The following KRT78 variants were observed in gnomAD, a reference collection of about 807,000 sequenced individuals.
KRT78 encodes keratin 78.
A neutral mutation model predicts 51.4 loss-of-function variants in KRT78; 55 were observed. That is an observed-to-expected ratio of 1.07 (90% confidence interval 0.86 to 1.34). KRT78 has a LOEUF of 1.34. Among genes scored for constraint, KRT78 ranks in the 40% most tolerant of loss-of-function variants. The pLI, the probability that KRT78 is intolerant of heterozygous loss-of-function variation, is 0.00. For synonymous variants in KRT78, 291 were observed against 264.3 expected (o/e 1.10, Z -0.98); for missense variants, 652 against 649.4 (o/e 1.00, Z -0.04).
In KRT78 at chr12:52,838,398, AGGG is replaced by A. The variant is rs1261760366; in HGVS notation, c.*712_*714del. 6.6e-6 allele frequency: 1 copy of A among 152,452 alleles called. No homozygotes were observed. The highest frequency in any genetic ancestry group is 1.5e-5 in the Non-Finnish European group (1 of 68,282). 9.4% of individuals were successfully genotyped at this position (152,452 alleles called of 1,614,324 possible). A position where few individuals can be genotyped will look rare whatever the true frequency, so the allele number is the denominator to read the frequency against. ...AGGATAAGATGAGAGCCAACAGATAAGGGGGTAGGGGCAGAGTTTGAACCCCAA... is the reference window on the plus strand; with the variant it reads ...AGGATAAGATGAGAGCCAACAGATAAGGTAGGGGCAGAGTTTGAACCCCAA... On this transcript the variant is annotated 3_prime_UTR_variant, in exon 9 of 9. Transcript: ENST00000304620.
chr12:52,840,565 A>G lies in KRT78; in HGVS notation c.1048-581T>C, dbSNP rs543972671. Reference sequence around the variant, plus strand: ...AAAATAAAAATAAAAAAATTAGCTGACCATAGTGGCACGCACCTGTAGTCC... The same window carrying G: ...AAAATAAAAATAAAAAAATTAGCTGGCCATAGTGGCACGCACCTGTAGTCC... On this transcript the variant is annotated intron_variant, in intron 6 of 8. Coordinates refer to ENST00000304620, the MANE Select transcript of KRT78 (RefSeq NM_173352.4). Among the ~76,000 whole-genome samples the G allele has an allele frequency of 1.6e-4, 24 of 152,078 alleles. No homozygotes were observed. In the South Asian group the frequency reaches 4.8e-3, roughly 30 times the overall value.
chr12:52,838,056 A>T lies in KRT78; in HGVS notation c.*1057T>A, dbSNP rs899194599. 6.6e-6 allele frequency: 1 copy of T among 152,180 alleles called. No homozygotes were observed. The highest frequency in any genetic ancestry group is 2.4e-5 in the African/African-American group (1 of 41,444). The allele number at this position is 152,180 out of a possible 1,614,324, so 9.4% of individuals were successfully genotyped here. ...ACACAAAGCTGAAAAGCCTTCTTGC[A>T]TAATTTGGATGGAGCGATTCATGAA... is the stretch of plus-strand genomic sequence containing the variant. On this transcript the variant is annotated 3_prime_UTR_variant, in exon 9 of 9. Coordinates refer to ENST00000304620, the MANE Select transcript of KRT78 (RefSeq NM_173352.4).
chr12:52,839,029 G>T lies in KRT78; in HGVS notation c.*84C>A. On this transcript the variant is annotated 3_prime_UTR_variant, in exon 9 of 9. Coordinates refer to ENST00000304620, the MANE Select transcript of KRT78 (RefSeq NM_173352.4). ...TGTGGGCTGGCTTGGGCTGTGGGCA[G>T]CGGACACGGAGTTGGCCTTGCAGAG... is the stretch of plus-strand genomic sequence containing the variant. The T allele has an allele frequency of 6.7e-7, 1 of 1,499,898 alleles. No individual in the cohort carries two copies. Among genetic ancestry groups the T allele is most frequent in the East Asian group, 2.3e-5 (1 of 44,090 alleles). 92.9% of individuals were successfully genotyped at this position (1,499,898 alleles called of 1,614,324 possible).
rs1940383826 is a variant in KRT78, at chr12:52,837,964, G to C, written c.*1149C>G. 6.6e-6 allele frequency: 1 copy of C among 152,132 alleles called. No homozygotes were observed. The highest frequency in any genetic ancestry group is 2.4e-5 in the African/African-American group (1 of 41,424). 9.4% of individuals were successfully genotyped at this position (152,132 alleles called of 1,614,324 possible). A position where few individuals can be genotyped will look rare whatever the true frequency, so the allele number is the denominator to read the frequency against. ...TGAAGAGGTCAAGCTGCTTGATCAA[G>C]GTCACACCACTAGGAAACAGCAGAG... On this transcript the variant is annotated 3_prime_UTR_variant, in exon 9 of 9. Transcript: ENST00000304620.
rs776041337 is a variant in KRT78 at position 52,839,190 on chromosome 12, A to G, written c.1486T>C (p.Ser496Pro). 6.2e-7 allele frequency: 1 copy of G among 1,613,106 alleles called. No individual in the cohort carries two copies. The highest frequency in any genetic ancestry group is 1.7e-5 in the Admixed American group (1 of 59,970). Residue 496 changes from serine (S) to proline (P), a missense_variant, in exon 9 of 9, where the codon TCC (serine) becomes CCC (proline). By Grantham distance (74) the Ser-to-Pro change is moderately conservative (BLOSUM62 -1). Transcript: ENST00000304620. ...GTGTGGCAGCTGGAGCCAGCGCTGG[A>G]GCCAGACACAGAGCAGGAATCCAAA... ...PVLDSCSVSG[S>P]SAGSSCHTIL...
Position 52,839,844 on chromosome 12 carries a change from G to T in KRT78, c.1188C>A (p.Tyr396Ter). Reference sequence around the variant, plus strand: ...AAAGCTTCGTGCTCGTCAGCTCCTGGTACTCGCACAGCAGCCGGGCCAGGT... The same window carrying T: ...AAAGCTTCGTGCTCGTCAGCTCCTGTTACTCGCACAGCAGCCGGGCCAGGT... ...KQNLARLLCE[Y>*]QELTSTKLSL... Residue 396 changes from tyrosine (Y) to a stop codon, truncating the protein, a stop_gained, in exon 7 of 9, where the codon TAC becomes TAA. Transcript: ENST00000304620. LOFTEE classifies it high-confidence loss of function. 3 of 1,613,980 alleles carry T rather than the reference G, an allele frequency of 1.9e-6. No homozygotes were observed. Among genetic ancestry groups the T allele is most frequent in the Non-Finnish European group, 2.5e-6 (3 of 1,180,018 alleles).
chr12:52,844,754 A>C, intron 4 of KRT78, 31 bp from the exon 5 acceptor site: 1 of 1,578,628 alleles, frequency 6.3e-7, no homozygotes, highest in East Asian at 2.3e-5. Flanking sequence ...GTGTCCACTC[A>C]CCCCCAGCTC....
rs145379798 is a variant in KRT78 at position 52,847,924 on chromosome 12, C to G, written c.582G>C (p.Glu194Asp). 123 of 1,614,190 alleles carry G rather than the reference C, an allele frequency of 7.6e-5. No individual in the cohort carries two copies. In the Middle Eastern group the frequency reaches 1.6e-3, roughly 22 times the overall value. The change falls in exon 2 of 9, where the codon GAG (glutamate) becomes GAC (aspartate). Residue 194 changes from glutamate (E) to aspartate (D), a missense_variant. By Grantham distance (45) the Glu-to-Asp change is conservative (BLOSUM62 2). Transcript: ENST00000304620. ...GTGCCTACTTGGACTTATACTCCTC[C>G]TCCTGGTCCCGGCAGGCCTTCAACT... is the stretch of plus-strand genomic sequence containing the variant. ...DAELKACRDQ[E>D]EEYKSKYEEE...
intron 1 of KRT78, chr12:52,848,324 C>T: frequency 2.0e-6 from 3 of 1,501,830 alleles, no homozygotes; most frequent in Non-Finnish European, 2.7e-6. Flanking sequence ...CAGGGCCTTC[C>T]CCCCGCTGGC....
intron 7 of KRT78, 105 bp from the exon 8 acceptor site, chr12:52,839,592 G>C: frequency 7.4e-7 from 1 of 1,349,818 alleles, no homozygotes; most frequent in Non-Finnish European, 1.0e-6. Context: ...CCTCTCAGCA[G>C]ATAAAATCCA....
At chr12:52,841,829 A>T (rs1216117176) in intron 6 of KRT78, among the ~76,000 whole-genome samples, 1 of 152,224 alleles carries the variant, frequency 6.6e-6, no homozygotes, top group Non-Finnish European at 1.5e-5. Flanking sequence ...GGAAAGGCAC[A>T]TTGCTGTGTG....
Position 52,844,823 on chromosome 12 carries a change from A to G in KRT78, c.757-100T>C, listed in dbSNP as rs375483985. Reference sequence around the variant, plus strand: ...GATGATGAATTTCTGCTTACATGCCATGACCCCCATTCATCCCAGGTGGCT... The same window carrying G: ...GATGATGAATTTCTGCTTACATGCCGTGACCCCCATTCATCCCAGGTGGCT... On this transcript the variant is annotated intron_variant, in intron 4 of 8. Transcript: ENST00000304620. 6.0e-6 allele frequency: 7 copies of G among 1,159,378 alleles called. No homozygotes were observed. The African/African-American group carries it at 1.1e-4, about 18-fold the overall frequency. 71.8% of individuals were successfully genotyped at this position (1,159,378 alleles called of 1,614,324 possible).
chr12:52,840,762 A>G (rs1940475867), intron 6 of KRT78, among the ~76,000 whole-genome samples: 1 of 152,160 alleles, frequency 6.6e-6, no homozygotes, highest in South Asian at 2.1e-4. Context: ...CAATAAGACG[A>G]AAAATGCCAA....
chr12:52,841,149 T>TC (rs1940487607), intron 6 of KRT78, among the ~76,000 whole-genome samples: 1 of 152,160 alleles, frequency 6.6e-6, no homozygotes, highest in Non-Finnish European at 1.5e-5. Flanking sequence ...TGTCCTGTTG[T>TC]CAGAGTACAT....
chr12:52,846,422 C>A, intron 3 of KRT78, 130 bp from the exon 4 acceptor site: 1 of 708,098 alleles, frequency 1.4e-6, no homozygotes, highest in South Asian at 1.6e-5. Context: ...CTCCTTCCTC[C>A]TCCAGCCCCA....
intron 3 of KRT78, among the ~76,000 whole-genome samples, 176 bp from the exon 4 acceptor site, chr12:52,846,468 C>A (rs902274270): frequency 6.6e-6 from 1 of 152,168 alleles, no homozygotes; most frequent in Non-Finnish European, 1.5e-5. Flanking sequence ...AACATTGACC[C>A]AACATCACCT....
intron 2 of KRT78, among the ~76,000 whole-genome samples, chr12:52,847,237 C>T (rs7306513): frequency 0.13 from 19,111 of 152,148 alleles, 3,249 homozygotes; most frequent in African/African-American, 0.38. Flanking sequence ...CCTTCCTCCA[C>T]CTCACATCCC....
rs536088588 is a variant in KRT78 at position 52,842,426 on chromosome 12, C to G, written c.1047+1667G>C. On this transcript the variant is annotated intron_variant, in intron 6 of 8. Coordinates refer to ENST00000304620, the MANE Select transcript of KRT78 (RefSeq NM_173352.4). ...GGAGGAGCAGGAAACGGCCTCCCTC[C>G]CCTTGCCAATCTCTTCCTCTATTTC... 2.0e-5 allele frequency among the ~76,000 whole-genome samples: 3 copies of G among 152,240 alleles called. No homozygotes were observed. The South Asian group carries it at 6.2e-4, about 32-fold the overall frequency.
chr12:52,841,962 C>T (rs371050326), intron 6 of KRT78, among the ~76,000 whole-genome samples: 1 of 152,358 alleles, frequency 6.6e-6, no homozygotes, highest in South Asian at 2.1e-4. Flanking sequence ...AAGCAGGTTT[C>T]TGGGCCCCAT....
Sources: allele counts gnomAD v4.1 joint callset (sites outside exome capture counted in the v4.1 genomes callset), GRCh38; gene constraint gnomAD v4.1.1; transcripts MANE v1.5; gene names NCBI Gene and HGNC (gene_info 2026-07-23, HGNC 2026-07-21).